Variants in ATRN observed in about 807,000 individuals in gnomAD.
ATRN encodes the protein attractin-2.
Under a neutral mutation model 178.7 loss-of-function variants are expected in ATRN, and 54 were observed. The ratio of observed to expected loss-of-function variants is 0.30; its 90% confidence interval spans 0.24 to 0.38. ATRN has a LOEUF of 0.38. Ranked by LOEUF, ATRN falls within the 10% of genes least tolerant of loss-of-function variation. The pLI, the probability that ATRN is intolerant of heterozygous loss-of-function variation, is 1.00. For missense variants in ATRN, 1,443 were observed against 1,815.1 expected (o/e 0.79, Z 3.73); for synonymous variants, 636 against 663.0 (o/e 0.96, Z 0.63).
At chr20:3,599,908 G>T (rs1418193737) in intron 22 of ATRN, among the ~76,000 whole-genome samples, 1 of 152,170 alleles carries the variant, frequency 6.6e-6, no homozygotes, top group Non-Finnish European at 1.5e-5. Flanking sequence ...CTGGTTTAAT[G>T]ATCACATTTT....
chr20:3,491,516 G>C (rs2084793560), intron 1 of ATRN, among the ~76,000 whole-genome samples: 1 of 152,166 alleles, frequency 6.6e-6, no homozygotes, highest in Non-Finnish European at 1.5e-5. Context: ...GCTTCTAAAA[G>C]TTAGAGTTCT....
At chr20:3,512,863 G>A (rs1229636326) in intron 1 of ATRN, among the ~76,000 whole-genome samples, 1 of 152,190 alleles carries the variant, frequency 6.6e-6, no homozygotes, top group Non-Finnish European at 1.5e-5. Context: ...GGCCAGTGAT[G>A]ATGAGCATTT....
rs1308682828 is a variant in ATRN at position 3,535,326 on chromosome 20, A to G, written c.484A>G (p.Ile162Val). ...YKYKTKCTWL[I>V]EGQPNRIMRL... ...ATACAAAACGAAGTGCACGTGGCTCATTGAAGGACAGTAAGTAGAAATGGC... is the reference window on the plus strand; with the variant it reads ...ATACAAAACGAAGTGCACGTGGCTCGTTGAAGGACAGTAAGTAGAAATGGC... Residue 162 changes from isoleucine to valine, a missense_variant, in exon 2 of 29, where the codon ATT becomes GTT. This residue lies in a region of ATRN where 862 missense variants were observed against 972.1 expected (regional missense o/e 0.89). Transcript: ENST00000262919. 3.9e-6 allele frequency: 6 copies of G among 1,537,568 alleles called. No homozygotes were observed. The highest frequency in any genetic ancestry group is 3.5e-6 in the Non-Finnish European group (4 of 1,133,264).
At chr20:3,589,927 GT>G (rs2086415655) in intron 18 of ATRN, among the ~76,000 whole-genome samples, 1 of 152,168 alleles carries the variant, frequency 6.6e-6, no homozygotes, top group African/African-American at 2.4e-5. Flanking sequence ...ATTGCCTTGA[GT>G]TTTCTTTCAT....
At chr20:3,552,050 A>G (rs1264494953) in intron 6 of ATRN, among the ~76,000 whole-genome samples, 2 of 151,578 alleles carry the variant, frequency 1.3e-5, no homozygotes, top group East Asian at 3.9e-4. Context: ...TGATACAGTT[A>G]TCCTTCCCTC....
chr20:3,636,503 A>G (rs1288900010), intron 26 of ATRN, among the ~76,000 whole-genome samples: 2 of 152,272 alleles, frequency 1.3e-5, no homozygotes, highest in Non-Finnish European at 2.9e-5. Flanking sequence ...GCTATGAAGA[A>G]TATCTGGATA....
intron 16 of ATRN, 133 bp from the exon 17 acceptor site, chr20:3,583,765 G>T (rs1382503664): frequency 2.3e-6 from 2 of 869,952 alleles, no homozygotes; most frequent in African/African-American, 3.4e-5. Flanking sequence ...CCGAAATTGT[G>T]CCACTGCACT....
rs746593815 is a variant in ATRN, at chr20:3,591,389, A to G, written c.3322+83A>G. 8 of 1,475,960 alleles carry G rather than the reference A, an allele frequency of 5.4e-6. No individual in the cohort carries two copies. The Admixed American group carries it at 1.5e-4, about 27-fold the overall frequency. The allele number at this position is 1,475,960 out of a possible 1,614,324, so 91.4% of individuals were successfully genotyped here. Reference sequence around the variant, plus strand: ...ATTTGACTTGAATATCTAGGAGGAAAAAAGCCACTTTGTTTTGGATACCAC... The same window carrying G: ...ATTTGACTTGAATATCTAGGAGGAAGAAAGCCACTTTGTTTTGGATACCAC... On this transcript the variant is annotated intron_variant, in intron 19 of 28. Coordinates refer to ENST00000262919, the MANE Select transcript of ATRN (RefSeq NM_139321.3).
chr20:3,482,596 T>C (rs2084637107), intron 1 of ATRN, among the ~76,000 whole-genome samples: 1 of 152,230 alleles, frequency 6.6e-6, no homozygotes, highest in Non-Finnish European at 1.5e-5. Flanking sequence ...TTTGAAGTAC[T>C]GGAGATATCA....
At chr20:3,476,556 A>G (rs1006800429) in intron 1 of ATRN, among the ~76,000 whole-genome samples, 29 of 152,224 alleles carry the variant, frequency 1.9e-4, no homozygotes, top group Non-Finnish European at 3.8e-4. Context: ...TACCTTTTTA[A>G]CTAATGAAAT....
intron 6 of ATRN, among the ~76,000 whole-genome samples, chr20:3,552,578 C>G (rs235591): frequency 0.86 from 130,475 of 152,282 alleles, 56,316 homozygotes; most frequent in East Asian, 1. Flanking sequence ...AAACTTAGCA[C>G]CTTAAAACAG....
chr20:3,647,023 G>A lies in ATRN; in HGVS notation c.*176G>A, dbSNP rs961696669. 6 of 822,018 alleles carry A rather than the reference G, an allele frequency of 7.3e-6. No individual in the cohort carries two copies. Among genetic ancestry groups the A allele is most frequent in the Non-Finnish European group, 1.1e-5 (6 of 562,120 alleles). The allele number at this position is 822,018 out of a possible 1,614,324, so 50.9% of individuals were successfully genotyped here. ...CTTTCTTTGACGGTTTCTCCCATCC[G>A]TGTTCCAGCATCTAACCTTTTACTT... On this transcript the variant is annotated 3_prime_UTR_variant, in exon 29 of 29. Coordinates refer to ENST00000262919, the MANE Select transcript of ATRN (RefSeq NM_139321.3).
chr20:3,475,444 A>G (rs1373955295), intron 1 of ATRN, among the ~76,000 whole-genome samples: 1 of 152,208 alleles, frequency 6.6e-6, no homozygotes, highest in Non-Finnish European at 1.5e-5. Flanking sequence ...TTTTTTCTAA[A>G]TAAAAGATGA....
At chr20:3,572,591 A>G (rs2086141340) in intron 11 of ATRN, 140 bp from the exon 12 acceptor site, 3 of 654,626 alleles carry the variant, frequency 4.6e-6, no homozygotes, top group Admixed American at 3.1e-5. Context: ...CTGAGGCGAG[A>G]GGATCTCTTG....
At chr20:3,528,423 A>G (rs1371827653) in intron 1 of ATRN, among the ~76,000 whole-genome samples, 2 of 152,110 alleles carry the variant, frequency 1.3e-5, no homozygotes, top group Admixed American at 6.6e-5. Context: ...GTAAAAATGA[A>G]TGCAGTTGTG....
At chr20:3,595,683 G>A (rs145247076) in intron 20 of ATRN, among the ~76,000 whole-genome samples, 24 of 152,256 alleles carry the variant, frequency 1.6e-4, no homozygotes, top group East Asian at 9.6e-4. Flanking sequence ...AAGTTCCTTC[G>A]AGATCGCAGA....
At chr20:3,492,872 C>CGT (rs2084820581) in intron 1 of ATRN, among the ~76,000 whole-genome samples, 3 of 105,714 alleles carry the variant, frequency 2.8e-5, no homozygotes, top group African/African-American at 1.1e-4. Context: ...CGCGCGTGCG[C>CGT]ACGCACACAC....
At chr20:3,558,370 A>G (rs1032187682) in intron 6 of ATRN, among the ~76,000 whole-genome samples, 4 of 152,024 alleles carry the variant, frequency 2.6e-5, no homozygotes, top group African/African-American at 7.2e-5. Context: ...TTGATTTTCA[A>G]TGGATGGACA....
At chr20:3,593,172 C>T (rs1181918997) in intron 19 of ATRN, among the ~76,000 whole-genome samples, 1 of 152,146 alleles carries the variant, frequency 6.6e-6, no homozygotes, top group African/African-American at 2.4e-5. Context: ...TGCCATCATA[C>T]CCACATCAGC....
Sources: gnomAD v4.1 joint callset for allele counts (sites outside exome capture counted in the v4.1 genomes callset) on GRCh38, gnomAD v4.1.1 for gene constraint, gnomAD v4.1.1 regional missense constraint, MANE v1.5 for transcripts, NCBI Gene and HGNC (gene_info 2026-07-23, HGNC 2026-07-21) for gene names.